Variants in TBATA observed in about 807,000 individuals in gnomAD.
The protein encoded by TBATA is thymus, brain and testes associated, also known as protein TBATA.
In TBATA, 47 loss-of-function variants were observed where a neutral mutation model predicts 38.7. The observed-to-expected ratio is 1.21, with a 90% CI of 0.96 to 1.55. The LOEUF (loss-of-function observed/expected upper bound fraction) is 1.55. Ranked by LOEUF, TBATA falls within the 40% of genes most tolerant of loss-of-function variation. The pLI is 0.00. For synonymous variants in TBATA, 183 were observed against 170.5 expected, an observed-to-expected ratio of 1.07 and a Z score of -0.57; for missense variants, 436 against 435.6, an observed-to-expected ratio of 1.00 and a Z score of -0.01.
intron 3 of TBATA, chr10:70,782,403 T>A (rs1465999776): frequency 7.7e-7 from 1 of 1,304,654 alleles, no homozygotes; most frequent in South Asian, 1.2e-5. Flanking sequence ...TATACATCCC[T>A]GGGGATGGGG....
Position 70,783,411 on chromosome 10 carries a change from C to G in TBATA, c.-32G>C. The G allele has an allele frequency of 6.2e-7, 1 of 1,613,228 alleles. No individual in the cohort carries two copies. The highest frequency in any genetic ancestry group is 8.5e-7 in the Non-Finnish European group (1 of 1,179,184). ...CTTTTTAACAGACTAAAGGCCAGTG[C>G]ACTTAATACTAGCGTTGAGGATGCA... On this transcript the variant is annotated 5_prime_UTR_variant, in exon 3 of 11. Coordinates refer to ENST00000456372, the MANE Select transcript of TBATA (RefSeq NM_001318241.2).
intron 3 of TBATA, chr10:70,782,418 T>G (rs2132978024): frequency 7.7e-7 from 1 of 1,300,184 alleles, no homozygotes. Flanking sequence ...ATGGGGATGG[T>G]CTCAACAGGG....
intron 2 of TBATA, among the ~76,000 whole-genome samples, chr10:70,783,847 T>C (rs1844563089): frequency 6.6e-6 from 1 of 152,232 alleles, no homozygotes. Context: ...CAATTCTTGG[T>C]TTTGCGATGT....
Position 70,777,866 on chromosome 10 carries a change from C to T in TBATA, c.508-528G>A, listed in dbSNP as rs543858231. 1.6e-3 allele frequency: 705 copies of T among 440,242 alleles called. 1 individual carries two copies. The highest frequency in any genetic ancestry group is 2.5e-3 in the Non-Finnish European group (546 of 220,936). 27.3% of individuals were successfully genotyped at this position (440,242 alleles called of 1,614,324 possible). Reference sequence around the variant, plus strand: ...TTAAGACTGGTAGTATCCTTCCCCCCATTTTAAAGATAAGAAAACAGAGAC... The same window carrying T: ...TTAAGACTGGTAGTATCCTTCCCCCTATTTTAAAGATAAGAAAACAGAGAC... On this transcript the variant is annotated intron_variant, in intron 6 of 10. Coordinates refer to ENST00000456372, the MANE Select transcript of TBATA (RefSeq NM_001318241.2).
chr10:70,782,756 G>A (rs1304027101), intron 3 of TBATA: 1 of 573,140 alleles, frequency 1.7e-6, no homozygotes, highest in South Asian at 7.7e-5. Flanking sequence ...TTGGAGGAAG[G>A]TCAAGATCAG....
chr10:70,772,597 A>G, intron 9 of TBATA, 31 bp from the exon 10 acceptor site: 1 of 1,613,802 alleles, frequency 6.2e-7, no homozygotes, highest in Non-Finnish European at 8.5e-7. Context: ...GGGGCTGGGA[A>G]GGTCATGCTG....
Position 70,779,553 on chromosome 10 carries a change from T to C in TBATA, c.427+40A>G, listed in dbSNP as rs755192330. On this transcript the variant is annotated intron_variant, in intron 5 of 10. Coordinates refer to ENST00000456372, the MANE Select transcript of TBATA (RefSeq NM_001318241.2). ...AGTGAGGCAGCCTTGGGGAGAGGCA[T>C]GAGCCCCAGGGTAGAGGGAGGCATG... The C allele has an allele frequency of 4.8e-6, 7 of 1,444,396 alleles. No homozygotes were observed. The East Asian group carries it at 1.1e-4, about 23-fold the overall frequency. 89.5% of individuals were successfully genotyped at this position (1,444,396 alleles called of 1,614,324 possible).
rs1263481851 is a variant in TBATA, at chr10:70,783,511, A to G, written c.-132T>C. On this transcript the variant is annotated 5_prime_UTR_variant, in exon 3 of 11. Coordinates refer to ENST00000456372, the MANE Select transcript of TBATA (RefSeq NM_001318241.2). ...TCTCACGAACTGGTGGTGGAAGTGT[A>G]AACGGGAACAGGCACTTTAGGGGGA... The G allele has an allele frequency of 5.2e-5, 54 of 1,036,082 alleles. No homozygotes were observed. The highest frequency in any genetic ancestry group is 7.3e-5 in the Non-Finnish European group (50 of 683,302). The allele number at this position is 1,036,082 out of a possible 1,614,324, so 64.2% of individuals were successfully genotyped here.
At chr10:70,776,442 G>A (rs1016052318) in intron 7 of TBATA, 4 of 455,676 alleles carry the variant, frequency 8.8e-6, no homozygotes, top group Non-Finnish European at 1.8e-5. Context: ...AGGGGACCTG[G>A]CCCATGGACT....
intron 7 of TBATA, chr10:70,776,480 A>T (rs572981289): frequency 2.2e-6 from 1 of 449,666 alleles, no homozygotes; most frequent in Admixed American, 2.4e-5. Flanking sequence ...CGGCCTCCCC[A>T]TCCGTGGCAT....
In TBATA at chr10:70,771,310, A is replaced by ACCT; in HGVS notation, c.*65_*66insAGG. On this transcript the variant is annotated 3_prime_UTR_variant, in exon 11 of 11. Transcript: ENST00000456372. ...TCAGGTACTGCTGTGAAGGTGGTGG[A>ACCT]GACAGAAACACCCCTGAACCCTTGG... The ACCT allele has an allele frequency of 6.2e-7, 1 of 1,613,702 alleles. No homozygotes were observed. The highest frequency in any genetic ancestry group is 8.5e-7 in the Non-Finnish European group (1 of 1,179,734).
chr10:70,779,531 G>A (rs1019050996), intron 5 of TBATA, 62 bp downstream of exon 5: 5 of 1,422,158 alleles, frequency 3.5e-6, no homozygotes, highest in African/African-American at 1.5e-5. Context: ...CCACCCAAGT[G>A]AGGCAGCCTT....
At chr10:70,778,697 C>T (rs1843738949) in intron 5 of TBATA, 61 bp from the exon 6 acceptor site, 1 of 1,448,222 alleles carries the variant, frequency 6.9e-7, no homozygotes, top group Non-Finnish European at 9.7e-7. Flanking sequence ...CCTCCCTGTG[C>T]CACCAGGCCT....
intron 5 of TBATA, chr10:70,778,889 G>A: frequency 1.7e-6 from 1 of 573,304 alleles, no homozygotes; most frequent in Non-Finnish European, 3.2e-6. Flanking sequence ...TGATGTCCTA[G>A]CCTGTGGCAT....
chr10:70,782,138 G>A (rs1844298107), intron 3 of TBATA, 102 bp from the exon 4 acceptor site: 1 of 1,336,040 alleles, frequency 7.5e-7, no homozygotes, highest in Non-Finnish European at 1.0e-6. Context: ...TTCCTGAGGA[G>A]CTCTGAAATC....
chr10:70,777,310 C>G lies in TBATA; in HGVS notation c.536G>C (p.Arg179Pro). 2 of 1,613,600 alleles carry G rather than the reference C, an allele frequency of 1.2e-6. No homozygotes were observed. Among genetic ancestry groups the G allele is most frequent in the East Asian group, 2.2e-5 (1 of 44,872 alleles). ...TGCTGAGTACTTTGCCCCCTGCTCC[C>G]GCAGAGGCTCCTCCTTCTGCTCCTT... ...EQKEQKEEPL[R>P]EQGAKYSAET... Residue 179 changes from arginine (R) to proline (P), a missense_variant, in exon 7 of 11, where the codon CGG becomes CCG. Coordinates refer to ENST00000456372, the MANE Select transcript of TBATA (RefSeq NM_001318241.2).
In TBATA at chr10:70,784,775, T is replaced by C. The variant is rs1844673176; in HGVS notation, c.-273-2A>G. On this transcript the variant is annotated splice_acceptor_variant, in intron 1 of 10. Transcript: ENST00000456372. LOFTEE classifies it low-confidence loss of function (5UTR_SPLICE). ...TGTGGAAGCCCCAAATCCTCCTGCC[T>C]ATGGGAAAAAGTACTCTTTAGAACA... 6.6e-6 allele frequency: 1 copy of C among 152,176 alleles called. No homozygotes were observed. Among genetic ancestry groups the C allele is most frequent in the Non-Finnish European group, 1.5e-5 (1 of 68,038 alleles). The allele number at this position is 152,176 out of a possible 1,614,324, so 9.4% of individuals were successfully genotyped here.
At chr10:70,779,184 G>T (rs1843814676) in intron 5 of TBATA, among the ~76,000 whole-genome samples, 2 of 152,232 alleles carry the variant, frequency 1.3e-5, no homozygotes, top group African/African-American at 4.8e-5. Flanking sequence ...AAAGGATAAT[G>T]CTTGGCAGAG....
At chr10:70,771,496 C>T (rs751874499) in intron 10 of TBATA, 35 bp from the exon 11 acceptor site, 54 of 1,602,792 alleles carry the variant, frequency 3.4e-5, no homozygotes, top group East Asian at 1.1e-4. Context: ...AGGAGAGGAC[C>T]GGGAAGGTGG....
Sources: gnomAD v4.1 joint callset for allele counts (sites outside exome capture counted in the v4.1 genomes callset) on GRCh38, gnomAD v4.1.1 for gene constraint, MANE v1.5 for transcripts, NCBI Gene and HGNC (gene_info 2026-07-23, HGNC 2026-07-21) for gene names.